MPP4: variants seen among roughly 807,000 people sequenced by gnomAD.
The protein encoded by MPP4 is MAGUK p55 scaffold protein 4, also known as MAGUK p55 subfamily member 4.
Under a neutral mutation model 98.3 loss-of-function variants are expected in MPP4, and 91 were observed. The observed-to-expected ratio is 0.93, with a 90% confidence interval of 0.78 to 1.10. The LOEUF is 1.10. MPP4 is among the 50% of genes least tolerant of loss of function. MPP4 has a pLI of 0.00. For missense variants in MPP4, 744 were observed against 792.9 expected (o/e 0.94, Z 0.74); for synonymous variants, 261 against 271.8 (o/e 0.96, Z 0.39).
At chr2:201,657,590 G>GTGTTTTTTTTTTTTTTTTTTTTTTTT (rs1687884380) in intron 16 of MPP4, among the ~76,000 whole-genome samples, 1 of 91,124 alleles carries the variant, frequency 1.1e-5, no homozygotes, top group Admixed American at 1.2e-4. Flanking sequence ...CCTGGCCCTT[G>GTGTTTTTTTTTTTTTTTTTTTTTTTT]TTTTTTTTTT....
rs532850430 is a variant in MPP4 at position 201,682,419 on chromosome 2, A to C, written c.660+412T>G. Among the ~76,000 whole-genome samples the C allele has an allele frequency of 2.9e-4, 44 of 152,312 alleles. 1 individual carries two copies. The South Asian group carries it at 7.2e-3, about 25-fold the overall frequency. Reference sequence around the variant, plus strand: ...ATAAGAAAGGCTGCCCTCCAGGAAGATGTTGAACATTTCAGCCATAGAAAA... The same window carrying C: ...ATAAGAAAGGCTGCCCTCCAGGAAGCTGTTGAACATTTCAGCCATAGAAAA... On this transcript the variant is annotated intron_variant, in intron 8 of 21. Coordinates refer to ENST00000409474, the MANE Select transcript of MPP4 (RefSeq NM_033066.3).
At chr2:201,648,693 A>G (rs1177469044) in intron 20 of MPP4, among the ~76,000 whole-genome samples, 2 of 152,152 alleles carry the variant, frequency 1.3e-5, no homozygotes, top group Non-Finnish European at 2.9e-5. Flanking sequence ...TCTTGCTATT[A>G]TCTCACATTG....
rs201300115 is a variant in MPP4 at position 201,654,919 on chromosome 2, T to C, written c.1301-2A>G. The C allele has an allele frequency of 6.3e-7, 1 of 1,589,918 alleles. No individual in the cohort carries two copies. The highest frequency in any genetic ancestry group is 1.3e-5 in the African/African-American group (1 of 74,292). On this transcript the variant is annotated splice_acceptor_variant, in intron 17 of 21. Transcript: ENST00000409474. LOFTEE classifies it high-confidence loss of function. ...CATTTACTCCAACACCAGAGGGTCC[T>C]AAACACAAAAAGTCACACACAGAAA...
At chr2:201,691,298 AAGAC>A (rs1689016646) in intron 3 of MPP4, among the ~76,000 whole-genome samples, 1 of 152,200 alleles carries the variant, frequency 6.6e-6, no homozygotes, top group Non-Finnish European at 1.5e-5. Flanking sequence ...CATGCACTAT[AAGAC>A]AGACCACATT....
intron 10 of MPP4, among the ~76,000 whole-genome samples, chr2:201,676,251 T>C (rs1688504537): frequency 6.6e-6 from 1 of 152,182 alleles, no homozygotes; most frequent in African/African-American, 2.4e-5. Flanking sequence ...GCCAATTTAG[T>C]CCACCTTCCT....
intron 13 of MPP4, chr2:201,664,404 A>G: frequency 4.7e-6 from 6 of 1,270,714 alleles, no homozygotes; most frequent in Non-Finnish European, 6.3e-6. Flanking sequence ...AGGGAAGGGG[A>G]AAGTGGAATG....
At chr2:201,666,185 C>A (rs995830002) in intron 13 of MPP4, 149 bp downstream of exon 13, 7 of 550,488 alleles carry the variant, frequency 1.3e-5, no homozygotes, top group Non-Finnish European at 2.2e-5. Context: ...AGTGCCAGAA[C>A]TACAGAAGAT....
At chr2:201,682,996 T>A in intron 7 of MPP4, 80 bp from the exon 8 acceptor site, 1 of 1,002,922 alleles carries the variant, frequency 1.0e-6, no homozygotes. Context: ...GATAGCTATT[T>A]AACTCACTAA....
chr2:201,691,252 G>A (rs990328080), intron 3 of MPP4, among the ~76,000 whole-genome samples: 12 of 152,172 alleles, frequency 7.9e-5, no homozygotes, highest in African/African-American at 2.9e-4. Flanking sequence ...CTTCATTCAT[G>A]CCAAAGATGT....
chr2:201,649,430 T>C lies in MPP4; in HGVS notation c.1584+146A>G, dbSNP rs78118616. 4,262 of 607,214 alleles carry C rather than the reference T, an allele frequency of 7.0e-3. 88 individuals are homozygous for C. Among genetic ancestry groups the C allele is most frequent in the African/African-American group, 0.054 (2,926 of 54,296 alleles). The allele number at this position is 607,214 out of a possible 1,614,324, so 37.6% of individuals were successfully genotyped here. A position where few individuals can be genotyped will look rare whatever the true frequency, so the allele number is the denominator to read the frequency against. On this transcript the variant is annotated intron_variant, in intron 20 of 21. Transcript: ENST00000409474. ...AGTAAAATGTTGTCAATTGACACGT[T>C]AAGTAAGATCTTATATATGGGAAAT...
intron 6 of MPP4, among the ~76,000 whole-genome samples, chr2:201,685,408 G>C (rs1418966453): frequency 2.0e-5 from 3 of 152,194 alleles, no homozygotes; most frequent in Non-Finnish European, 4.4e-5. Context: ...CATCAAAAAG[G>C]AAAGGCCATT....
intron 8 of MPP4, among the ~76,000 whole-genome samples, chr2:201,682,453 G>A (rs1006655231): frequency 6.6e-6 from 1 of 152,188 alleles, no homozygotes; most frequent in African/African-American, 2.4e-5. Flanking sequence ...AAGTGTTAGT[G>A]GGGGAAGGAG....
At chr2:201,692,329 A>T (rs1469452505) in intron 3 of MPP4, among the ~76,000 whole-genome samples, 6 of 152,118 alleles carry the variant, frequency 3.9e-5, no homozygotes, top group Non-Finnish European at 8.8e-5. Context: ...GGATCACCTG[A>T]GGTCAGGAGT....
At chr2:201,692,779 T>C in intron 3 of MPP4, 129 bp downstream of exon 3, 1 of 1,327,094 alleles carries the variant, frequency 7.5e-7, no homozygotes, top group African/African-American at 1.5e-5. Flanking sequence ...TACAGAACTG[T>C]GAGATATCAA....
chr2:201,645,239 A>T lies in MPP4; in HGVS notation c.1885T>A (p.Trp629Arg). ...TGAGACTCAGTATCTGAGGAAATCC[A>T]TGTTGCTGGTACCCACTGAGGCTCC... The part of the protein sequence containing the change: ...QEEPQWVPAT[W>R]ISSDTESQ The change falls in exon 22 of 22, where the codon TGG (tryptophan) becomes AGG (arginine). Residue 629 changes from tryptophan (W) to arginine (R), a missense_variant. Physicochemically the swap from Trp to Arg is moderately radical, Grantham distance 101. Coordinates refer to ENST00000409474, the MANE Select transcript of MPP4 (RefSeq NM_033066.3). The T allele has an allele frequency of 6.2e-7, 1 of 1,613,486 alleles. No homozygotes were observed.
chr2:201,652,950 A>G (rs1687756250), intron 18 of MPP4, among the ~76,000 whole-genome samples: 1 of 152,186 alleles, frequency 6.6e-6, no homozygotes, highest in Non-Finnish European at 1.5e-5. Context: ...CCTAAATGAT[A>G]TATTGGGTTA....
chr2:201,666,257 A>C, intron 13 of MPP4, 77 bp downstream of exon 13: 1 of 1,285,918 alleles, frequency 7.8e-7, no homozygotes, highest in East Asian at 2.7e-5. Flanking sequence ...CCCTTTGGAC[A>C]CCTCTGCTTC....
intron 8 of MPP4, 118 bp downstream of exon 8, chr2:201,682,713 G>T (rs770568506): frequency 6.9e-5 from 54 of 780,802 alleles, no homozygotes; most frequent in Non-Finnish European, 1.1e-4. Context: ...GAGGGAGAAA[G>T]CTGCCAAGAG....
chr2:201,674,494 G>T (rs140075953), intron 11 of MPP4, among the ~76,000 whole-genome samples: 218 of 124,224 alleles, frequency 1.8e-3, no homozygotes, highest in African/African-American at 6.5e-3. Context: ...TGCACATGCT[G>T]GGTCTGAGGT....
Sources: gnomAD v4.1 joint callset for allele counts (sites outside exome capture counted in the v4.1 genomes callset) on GRCh38, gnomAD v4.1.1 for gene constraint, MANE v1.5 for transcripts, NCBI Gene and HGNC (gene_info 2026-07-23, HGNC 2026-07-21) for gene names.